Variants in IRS1 observed in about 807,000 individuals in gnomAD.
IRS1 encodes insulin receptor substrate 1.
A neutral mutation model predicts 65.6 loss-of-function variants in IRS1; 34 were observed. The ratio of observed to expected loss-of-function variants is 0.52; its 90% CI spans 0.39 to 0.69. The LOEUF is 0.69. Among genes scored for constraint, IRS1 ranks in the 30% least tolerant of loss-of-function variants. IRS1 has a pLI of 0.00. For missense variants in IRS1, 1,641 were observed against 1,720.2 expected (o/e 0.95, Z 0.81); for synonymous variants, 699 against 683.5 (o/e 1.02, Z -0.35).
intron 1 of IRS1, among the ~76,000 whole-genome samples, chr2:226,777,505 A>C (rs1939297292): frequency 6.6e-6 from 1 of 152,198 alleles, no homozygotes; most frequent in Admixed American, 6.5e-5. Flanking sequence ...TAGATGATGG[A>C]AAATTTCTTT....
intron 1 of IRS1, among the ~76,000 whole-genome samples, chr2:226,774,946 G>A (rs1939239842): frequency 6.6e-6 from 1 of 152,160 alleles, no homozygotes; most frequent in South Asian, 2.1e-4. Flanking sequence ...GAGAGAGGAA[G>A]GGTTGAATAA....
Position 226,797,758 on chromosome 2 carries a change from G to C in IRS1, c.981C>G (p.Arg327=), listed in dbSNP as rs774082695. 6.3e-7 allele frequency: 1 copy of C among 1,595,522 alleles called. No homozygotes were observed. Among genetic ancestry groups the C allele is most frequent in the Admixed American group, 1.7e-5 (1 of 59,466 alleles). The change falls in exon 1 of 2, where the codon CGC becomes CGG. Residue 327 remains arginine (R), a synonymous_variant. Coordinates refer to ENST00000305123, the MANE Select transcript of IRS1 (RefSeq NM_005544.3). The surrounding 1 kb of genome is among the most constrained non-coding windows in gnomAD (Gnocchi z 8.1). ...TGGTGCCTTCGCCGTCACTGGAGGCGCGGACACGGAAGGAGCCTGGCTTCC... is the reference window on the plus strand; with the variant it reads ...TGGTGCCTTCGCCGTCACTGGAGGCCCGGACACGGAAGGAGCCTGGCTTCC... ...VGGKPGSFRV[R]ASSDGEGTMS...
chr2:226,743,352 C>A (rs558321553), intron 1 of IRS1, among the ~76,000 whole-genome samples: 1 of 152,050 alleles, frequency 6.6e-6, no homozygotes, highest in Non-Finnish European at 1.5e-5. Context: ...GCTTCAGCCT[C>A]CCAAGTAGCT....
chr2:226,796,100 T>C lies in IRS1; in HGVS notation c.2639A>G (p.Gln880Arg). The change falls in exon 1 of 2, where the codon CAG (glutamine) becomes CGG (arginine). Residue 880 changes from glutamine to arginine, a missense_variant. This residue lies in a region of IRS1 where 1,324 missense variants were observed against 1,361.0 expected (regional missense o/e 0.97). Coordinates refer to ENST00000305123, the MANE Select transcript of IRS1 (RefSeq NM_005544.3). ...TLPRAREQQQ[Q>R]QQPLLHPPEP... ...TGGAGGGTGCAGCAAGGGCTGCTGCTGCTGCTGCTGCTCTCGGGCCCGAGG... is the reference window on the plus strand; with the variant it reads ...TGGAGGGTGCAGCAAGGGCTGCTGCCGCTGCTGCTGCTCTCGGGCCCGAGG... 6.2e-7 allele frequency: 1 copy of C among 1,613,824 alleles called. No homozygotes were observed.
rs776820334 is a variant in IRS1, at chr2:226,795,982, A to C, written c.2757T>G (p.Pro919=). 9 of 1,614,148 alleles carry C rather than the reference A, an allele frequency of 5.6e-6. No individual in the cohort carries two copies. The South Asian group carries it at 8.8e-5, about 16-fold the overall frequency. ...LSGPVAFHSS[P]SVRCPSQLQP... is the part of the protein sequence containing the mutation. The stretch of plus-strand genomic sequence containing the variant: ...GGAGCTGGGATGGACACCTGACAGA[A>C]GGTGAGCTGTGGAAAGCCACCGGGC... Residue 919 remains proline, a synonymous_variant, in exon 1 of 2, where the codon CCT becomes CCG. Coordinates refer to ENST00000305123, the MANE Select transcript of IRS1 (RefSeq NM_005544.3).
intron 1 of IRS1, among the ~76,000 whole-genome samples, chr2:226,766,163 A>ATATATATATATATTTTTTT (rs58592685): frequency 2.2e-4 from 1 of 4,598 alleles, no homozygotes; most frequent in Non-Finnish European, 4.8e-4. Context: ...ATATATATAT[A>ATATATATATATATTTTTTT]TTTTTTTTTT....
chr2:226,757,380 TG>T (rs1438247302), intron 1 of IRS1, among the ~76,000 whole-genome samples: 1 of 152,032 alleles, frequency 6.6e-6, no homozygotes, highest in African/African-American at 2.4e-5. Flanking sequence ...TTTGGGAGGC[TG>T]AGGTGGGCAG....
At chr2:226,766,161 A>ATTTTTTTTTTT (rs1312915502) in intron 1 of IRS1, among the ~76,000 whole-genome samples, 5 of 5,456 alleles carry the variant, frequency 9.2e-4, no homozygotes, top group Admixed American at 4.8e-3. Context: ...ATATATATAT[A>ATTTTTTTTTTT]TATTTTTTTT....
rs1192706809 is a variant in IRS1 at position 226,794,507 on chromosome 2, A to G, written c.*21+482T>C. On this transcript the variant is annotated intron_variant, in intron 1 of 1. Transcript: ENST00000305123. The surrounding 1 kb of genome is among the most constrained non-coding windows in gnomAD (Gnocchi z 4.1). ...CCTAGTATTATGAAATCACAGAACA[A>G]AAGTACAGAGAACAACTTGATAAGA... Among the ~76,000 whole-genome samples, 1 of 152,232 alleles carries G rather than the reference A, an allele frequency of 6.6e-6. No individual in the cohort carries two copies. Among genetic ancestry groups the G allele is most frequent in the African/African-American group, 2.4e-5 (1 of 41,470 alleles).
chr2:226,789,732 C>A (rs1338749239), intron 1 of IRS1, among the ~76,000 whole-genome samples: 1 of 152,110 alleles, frequency 6.6e-6, no homozygotes, highest in Admixed American at 6.5e-5. Flanking sequence ...TGAGAGCTGA[C>A]CTTAGGATGT....
At chr2:226,760,167 C>T (rs1938887400) in intron 1 of IRS1, among the ~76,000 whole-genome samples, 1 of 151,694 alleles carries the variant, frequency 6.6e-6, no homozygotes, top group Admixed American at 6.6e-5. Context: ...AAAGTGAGAC[C>T]CTGTCTCAGA....
chr2:226,767,832 T>G (rs76490719), intron 1 of IRS1, among the ~76,000 whole-genome samples: 7,505 of 152,210 alleles, frequency 0.049, 342 homozygotes, highest in East Asian at 0.18. Flanking sequence ...ACTATCAAAC[T>G]CAAAGGCATG....
intron 1 of IRS1, among the ~76,000 whole-genome samples, chr2:226,774,678 G>A (rs1939234551): frequency 6.6e-6 from 1 of 152,200 alleles, no homozygotes; most frequent in Non-Finnish European, 1.5e-5. Context: ...TCAAACACAT[G>A]TAGAGAAACA....
At chr2:226,758,275 A>G (rs1938844545) in intron 1 of IRS1, among the ~76,000 whole-genome samples, 1 of 152,216 alleles carries the variant, frequency 6.6e-6, no homozygotes, top group African/African-American at 2.4e-5. Context: ...TAATACTTGA[A>G]GAATGAGACA....
At chr2:226,737,734 A>G (rs142046550) in intron 1 of IRS1, among the ~76,000 whole-genome samples, 2 of 152,310 alleles carry the variant, frequency 1.3e-5, no homozygotes, top group African/African-American at 4.8e-5. Flanking sequence ...CTAGGGGTGT[A>G]AGGGGAGCAT....
chr2:226,766,513 A>G (rs1217312834), intron 1 of IRS1, among the ~76,000 whole-genome samples: 4 of 152,008 alleles, frequency 2.6e-5, no homozygotes, highest in Non-Finnish European at 5.9e-5. Context: ...AGTAGTCATT[A>G]TCTTTGATTT....
In IRS1 at chr2:226,795,617, G is replaced by C; in HGVS notation, c.3122C>G (p.Ser1041Cys). The C allele has an allele frequency of 3.7e-6, 6 of 1,612,568 alleles. No homozygotes were observed. The highest frequency in any genetic ancestry group is 4.2e-6 in the Non-Finnish European group (5 of 1,179,776). ...CCCTTGAGGCCCAGTCGGGGAAGCA[G>C]AGGCTGCTGAGGATGAGGAGGCAGC... ...MAAASSSSAA[S>C]ASPTGPQGAA... The change falls in exon 1 of 2, where the codon TCT (serine) becomes TGT (cysteine). Residue 1041 changes from serine (S) to cysteine (C), a missense_variant. This residue lies in a region of IRS1 where 1,324 missense variants were observed against 1,361.0 expected (regional missense o/e 0.97). Transcript: ENST00000305123.
intron 1 of IRS1, among the ~76,000 whole-genome samples, chr2:226,746,785 CTTT>C (rs1213711501): frequency 1.0e-4 from 12 of 118,412 alleles, no homozygotes; most frequent in African/African-American, 3.5e-4. Flanking sequence ...TAGCAGCATT[CTTT>C]TTTTTTTTTT....
chr2:226,796,883 AC>A lies in IRS1; in HGVS notation c.1855del (p.Val619TrpfsTer17). 6.5e-7 allele frequency: 1 copy of A among 1,536,120 alleles called. No homozygotes were observed. Among genetic ancestry groups the A allele is most frequent in the East Asian group, 2.3e-5 (1 of 44,200 alleles). ...DDGYMPMSPG[V>X]APVPSGRKGS... Reference sequence around the variant, plus strand: ...CTTTCGGCCACTGGGCACTGGGGCCACCCCTGGGGACATGGGCATGTAGCCA... The same window carrying A: ...CTTTCGGCCACTGGGCACTGGGGCCACCCTGGGGACATGGGCATGTAGCCA... On this transcript the variant is annotated frameshift_variant, in exon 1 of 2. Transcript: ENST00000305123. LOFTEE classifies it high-confidence loss of function.
Sources: gnomAD v4.1 joint callset for allele counts (sites outside exome capture counted in the v4.1 genomes callset) on GRCh38, gnomAD v4.1.1 for gene constraint, gnomAD v4.1.1 regional missense constraint, Gnocchi (gnomAD v3.1) non-coding constraint, MANE v1.5 for transcripts, NCBI Gene and HGNC (gene_info 2026-07-23, HGNC 2026-07-21) for gene names.